GRIP1: variants seen among roughly 807,000 people sequenced by gnomAD.
The protein encoded by GRIP1 is glutamate receptor interacting protein 1, also known as glutamate receptor-interacting protein 1.
Under a neutral mutation model 129.9 loss-of-function variants are expected in GRIP1, and 45 were observed. That is an observed-to-expected ratio of 0.35 (90% CI 0.27 to 0.44). The LOEUF (loss-of-function observed/expected upper bound fraction) is 0.44, where lower values mean the gene tolerates loss of function less well. Ranked by LOEUF, GRIP1 falls within the 20% of genes least tolerant of loss-of-function variation. GRIP1 has a pLI of 1.00. For missense variants in GRIP1, 1,196 were observed against 1,396.8 expected, an observed-to-expected ratio of 0.86 and a Z score of 2.29; for synonymous variants, 530 against 520.8, an observed-to-expected ratio of 1.02 and a Z score of -0.24.
At chr12:66,628,769 C>T (rs955830818) in intron 1 of GRIP1, among the ~76,000 whole-genome samples, 29 of 152,328 alleles carry the variant, frequency 1.9e-4, no homozygotes, top group African/African-American at 6.7e-4. Flanking sequence ...GGGGACGCTG[C>T]TAAACACCCA....
intron 11 of GRIP1, among the ~76,000 whole-genome samples, chr12:66,452,544 T>G (rs2058837316): frequency 6.6e-6 from 1 of 152,212 alleles, no homozygotes; most frequent in East Asian, 1.9e-4. Flanking sequence ...TCTCCTTCCT[T>G]GGCATTGGAA....
In GRIP1 at chr12:66,952,542, A is replaced by G. The variant is rs1592385377; in HGVS notation, c.58+116508T>C. 2.0e-5 allele frequency among the ~76,000 whole-genome samples: 3 copies of G among 152,340 alleles called. 1 individual carries two copies. In the Middle Eastern group the frequency reaches 0.01, roughly 518 times the overall value. On this transcript the variant is annotated intron_variant, in intron 1 of 1. Coordinates refer to the GRIP1 transcript ENST00000643019. ...AATAATCTCTTTTTATAACAAAAGT[A>G]TAAACACCACCACCAGAATTTGTTC...
intron 1 of GRIP1, among the ~76,000 whole-genome samples, chr12:66,674,700 TC>T (rs1431029695): frequency 6.6e-6 from 1 of 152,194 alleles, no homozygotes; most frequent in African/African-American, 2.4e-5. Context: ...ACCTTCCCTT[TC>T]AAGCATAATG....
At chr12:66,814,432 T>A (rs1207575658) in intron 1 of GRIP1, among the ~76,000 whole-genome samples, 1 of 152,134 alleles carries the variant, frequency 6.6e-6, no homozygotes, top group African/African-American at 2.4e-5. Flanking sequence ...TGAAACCTTG[T>A]AATTATCTGC....
At chr12:66,479,533 C>T (rs2059735376) in intron 7 of GRIP1, among the ~76,000 whole-genome samples, 1 of 152,128 alleles carries the variant, frequency 6.6e-6, no homozygotes, top group South Asian at 2.1e-4. Context: ...CTATTCCAAA[C>T]AGTAGGAAAA....
intron 2 of GRIP1, among the ~76,000 whole-genome samples, chr12:66,590,837 A>G (rs2063825715): frequency 6.6e-6 from 1 of 152,192 alleles, no homozygotes; most frequent in South Asian, 2.1e-4. Flanking sequence ...TGGAGCTTCA[A>G]GGCCAAATGT....
At position 66,674,697 on chromosome 12, in the gene GRIP1, C is replaced by A. The variant is rs1036237185; in HGVS notation, c.55+4153G>T. Among the ~76,000 whole-genome samples the A allele has an allele frequency of 1.4e-4, 21 of 152,182 alleles. 1 individual carries two copies. The highest frequency in any genetic ancestry group is 4.4e-5 in the Non-Finnish European group (3 of 68,034). On this transcript the variant is annotated intron_variant, in intron 1 of 24. Transcript: ENST00000359742. ...GTCCTAGACGAATGTCTGACCTTCC[C>A]TTTCAAGCATAATGATTCCATGATT...
Position 66,539,151 on chromosome 12 carries a change from G to A in GRIP1, c.345C>T (p.Asp115=), listed in dbSNP as rs760613522. The A allele has an allele frequency of 8.3e-5, 134 of 1,613,888 alleles. 2 individuals carry two copies. Among genetic ancestry groups the A allele is most frequent in the Middle Eastern group, 4.9e-4 (3 of 6,084 alleles). The change falls in exon 4 of 25, where the codon GAC becomes GAT. Residue 115 remains aspartate, a synonymous_variant. Coordinates refer to ENST00000359742, the MANE Select transcript of GRIP1 (RefSeq NM_001366722.1). ...CATTCTTCAGCAAGCTGATGATCTC[G>A]TCATGGCGGAATTTGGCCAGGTTGA... ...NGINLAKFRH[D]EIISLLKNVG...
chr12:66,649,627 C>G (rs770424107), intron 1 of GRIP1, among the ~76,000 whole-genome samples: 2 of 152,146 alleles, frequency 1.3e-5, no homozygotes, highest in Non-Finnish European at 2.9e-5. Flanking sequence ...TAAATGCCAT[C>G]GAGCATCCCC....
At chr12:66,635,143 G>A (rs956017383) in intron 1 of GRIP1, among the ~76,000 whole-genome samples, 1 of 152,142 alleles carries the variant, frequency 6.6e-6, no homozygotes, top group Non-Finnish European at 1.5e-5. Flanking sequence ...TTTGGGTCAG[G>A]TGCAGTGGCT....
At chr12:66,904,615 G>A (rs1022694628) in intron 1 of GRIP1, among the ~76,000 whole-genome samples, 2 of 152,136 alleles carry the variant, frequency 1.3e-5, no homozygotes, top group African/African-American at 2.4e-5. Flanking sequence ...AGATTGGGCT[G>A]GGAGCAGTGG....
At chr12:66,573,041 G>A (rs371995355) in intron 2 of GRIP1, among the ~76,000 whole-genome samples, 4 of 151,914 alleles carry the variant, frequency 2.6e-5, no homozygotes, top group African/African-American at 9.7e-5. Flanking sequence ...TATATATGCC[G>A]ACTATGCACA....
intron 7 of GRIP1, among the ~76,000 whole-genome samples, chr12:66,494,037 C>T (rs185115599): frequency 2.0e-5 from 3 of 152,236 alleles, no homozygotes; most frequent in Admixed American, 6.5e-5. Context: ...TGCCTCACTC[C>T]CTTAGGCTGA....
At chr12:66,358,711 C>G (rs1243145615) in intron 23 of GRIP1, among the ~76,000 whole-genome samples, 1 of 152,064 alleles carries the variant, frequency 6.6e-6, no homozygotes, top group African/African-American at 2.4e-5. Context: ...CTGCCATGGC[C>G]TCCTAAATTG....
At chr12:66,428,611 C>G (rs2058056812) in intron 14 of GRIP1, among the ~76,000 whole-genome samples, 1 of 152,108 alleles carries the variant, frequency 6.6e-6, no homozygotes, top group South Asian at 2.1e-4. Context: ...AAGTCAGAGA[C>G]AATGGGTTTG....
intron 1 of GRIP1, among the ~76,000 whole-genome samples, chr12:66,689,149 T>C (rs1396443005): frequency 3.9e-5 from 6 of 152,150 alleles, no homozygotes; most frequent in Non-Finnish European, 5.9e-5. Context: ...ACAACCTCGG[T>C]CCAGTTTCCC....
At chr12:66,576,016 A>G (rs1031559118) in intron 2 of GRIP1, among the ~76,000 whole-genome samples, 1 of 152,224 alleles carries the variant, frequency 6.6e-6, no homozygotes, top group Admixed American at 6.5e-5. Flanking sequence ...ATGAAGATAA[A>G]AATCAAAGGT....
intron 1 of GRIP1, among the ~76,000 whole-genome samples, chr12:66,956,343 T>C (rs6581725): frequency 0.7 from 106,111 of 152,056 alleles, 37,950 homozygotes; most frequent in African/African-American, 0.86. Context: ...TTATAGACTT[T>C]GGAGTGTGGT....
At chr12:66,553,941 G>C (rs2062230028) in intron 2 of GRIP1, among the ~76,000 whole-genome samples, 2 of 152,090 alleles carry the variant, frequency 1.3e-5, no homozygotes, top group South Asian at 2.1e-4. Context: ...GTGGACTAAA[G>C]TGGTTTGGGG....
Sources: gnomAD v4.1 joint callset for allele counts (sites outside exome capture counted in the v4.1 genomes callset) on GRCh38, gnomAD v4.1.1 for gene constraint, MANE v1.5 for transcripts, NCBI Gene and HGNC (gene_info 2026-07-23, HGNC 2026-07-21) for gene names.